The following PCDHGA7 variants were observed in gnomAD, a reference collection of about 807,000 sequenced individuals.
The protein encoded by PCDHGA7 is protocadherin gamma-A7.
Under a neutral mutation model 58.3 loss-of-function variants are expected in PCDHGA7, and 44 were observed. The observed-to-expected ratio is 0.75, with a 90% CI of 0.59 to 0.97. The LOEUF (loss-of-function observed/expected upper bound fraction) is 0.97, where lower values mean the gene tolerates loss of function less well. Among genes scored for constraint, PCDHGA7 ranks in the 50% least tolerant of loss-of-function variants. The probability of loss-of-function intolerance (pLI) is 0.00; values close to 1 mark genes in which losing one functional copy is unlikely to be tolerated. For synonymous variants in PCDHGA7, 516 were observed against 504.2 expected (o/e 1.02, Z -0.31); for missense variants, 1,266 against 1,188.7 (o/e 1.06, Z -0.96).
intron 1 of PCDHGA7, among the ~76,000 whole-genome samples, chr5:141,458,408 C>A (rs895785923): frequency 6.6e-6 from 1 of 151,932 alleles, no homozygotes; most frequent in East Asian, 1.9e-4. Flanking sequence ...AGAGACGGAG[C>A]GGGGGTTCCA....
chr5:141,410,202 A>G (rs766392835), intron 1 of PCDHGA7: 2 of 1,614,018 alleles, frequency 1.2e-6, no homozygotes, highest in Non-Finnish European at 1.7e-6. Flanking sequence ...TTCGCAGACA[A>G]CTTGCAAGAG....
At chr5:141,420,742 A>G (rs967908996) in intron 1 of PCDHGA7, among the ~76,000 whole-genome samples, 3 of 152,372 alleles carry the variant, frequency 2.0e-5, no homozygotes, top group African/African-American at 7.2e-5. Context: ...AATCAATTGG[A>G]ACCAACTACA....
intron 1 of PCDHGA7, among the ~76,000 whole-genome samples, chr5:141,400,896 A>G (rs193291751): frequency 2.6e-5 from 4 of 152,214 alleles, no homozygotes; most frequent in Admixed American, 2.6e-4. Context: ...TAATCATTTA[A>G]TTCATCTTTT....
At chr5:141,451,503 A>G (rs1395798374) in intron 1 of PCDHGA7, among the ~76,000 whole-genome samples, 1 of 152,234 alleles carries the variant, frequency 6.6e-6, no homozygotes, top group African/African-American at 2.4e-5. Flanking sequence ...TAGGGCAACC[A>G]GCTTCTGTTA....
chr5:141,420,269 A>C, intron 1 of PCDHGA7: 1 of 1,544,558 alleles, frequency 6.5e-7, no homozygotes, highest in Non-Finnish European at 8.8e-7. Flanking sequence ...GAAGATTCTT[A>C]AACAGGTAAG....
intron 1 of PCDHGA7, chr5:141,421,470 A>T: frequency 2.5e-6 from 4 of 1,614,130 alleles, no homozygotes; most frequent in Non-Finnish European, 3.4e-6. Context: ...TGAATCCGCG[A>T]AGCGGCAGCT....
intron 2 of PCDHGA7, among the ~76,000 whole-genome samples, chr5:141,504,713 G>A (rs1443171981): frequency 1.3e-5 from 2 of 151,850 alleles, no homozygotes; most frequent in African/African-American, 2.4e-5. Context: ...TATGGCCGTG[G>A]ATTTTACTCT....
intron 1 of PCDHGA7, chr5:141,484,966 G>C: frequency 1.7e-6 from 1 of 583,968 alleles, no homozygotes. Context: ...GAGCCCGGGA[G>C]CCGCTGTCTG....
At chr5:141,398,989 T>G (rs766277028) in intron 1 of PCDHGA7, 2 of 1,613,796 alleles carry the variant, frequency 1.2e-6, no homozygotes, top group Non-Finnish European at 1.7e-6. Flanking sequence ...CGGGCAAATC[T>G]TTAGTCTGAA....
At chr5:141,415,422 G>A (rs769839324) in intron 1 of PCDHGA7, 3 of 1,614,204 alleles carry the variant, frequency 1.9e-6, no homozygotes, top group East Asian at 2.2e-5. Context: ...GCGTGGACGG[G>A]GTTCGGGCTT....
intron 3 of PCDHGA7, among the ~76,000 whole-genome samples, chr5:141,506,833 C>A (rs1462038297): frequency 1.3e-5 from 2 of 152,092 alleles, no homozygotes; most frequent in African/African-American, 4.8e-5. Context: ...AACTGATAGC[C>A]CTGCCCTCCA....
rs771088007 is a variant in PCDHGA7, at chr5:141,423,000, G to A, written c.2424+37677G>A. On this transcript the variant is annotated intron_variant, in intron 1 of 3. Transcript: ENST00000518325. ...CGGAACCTGGCTACCTGGTGACCAA[G>A]GTGGTTGCGGTGGACAAAGATTCAG... The A allele has an allele frequency of 9.3e-6, 15 of 1,614,116 alleles. No homozygotes were observed. The African/African-American group carries it at 1.9e-4, about 20-fold the overall frequency.
At chr5:141,395,109 A>G (rs1181706209) in intron 1 of PCDHGA7, 1 of 1,614,092 alleles carries the variant, frequency 6.2e-7, no homozygotes, top group Admixed American at 1.7e-5. Context: ...CTCGCGGAAG[A>G]GTCACCTGAT....
intron 1 of PCDHGA7, among the ~76,000 whole-genome samples, chr5:141,429,535 T>TG (rs1278730394): frequency 2.0e-5 from 3 of 152,168 alleles, no homozygotes; most frequent in Non-Finnish European, 4.4e-5. Flanking sequence ...CTTAAAAAAA[T>TG]AAGAACATGG....
chr5:141,436,590 C>T (rs1050788291), intron 1 of PCDHGA7, among the ~76,000 whole-genome samples: 10 of 152,102 alleles, frequency 6.6e-5, no homozygotes, highest in East Asian at 1.9e-4. Context: ...TTTGAAAGGT[C>T]GTGGTGATGG....
chr5:141,489,381 T>A lies in PCDHGA7; in HGVS notation c.2425-5426T>A. 1 of 1,613,894 alleles carries A rather than the reference T, an allele frequency of 6.2e-7. No homozygotes were observed. The highest frequency in any genetic ancestry group is 8.5e-7 in the Non-Finnish European group (1 of 1,179,802). ...CTGAGCCGGGGACGCTGGTGGGGAATGTTGCTCAGGATCTGGGCTTAAAGA... is the reference window on the plus strand; with the variant it reads ...CTGAGCCGGGGACGCTGGTGGGGAAAGTTGCTCAGGATCTGGGCTTAAAGA... On this transcript the variant is annotated intron_variant, in intron 1 of 3. Transcript: ENST00000518325. The surrounding 1 kb of genome is among the most constrained non-coding windows in gnomAD (Gnocchi z 4.5).
chr5:141,405,398 C>A, intron 1 of PCDHGA7: 1 of 1,590,262 alleles, frequency 6.3e-7, no homozygotes, highest in Non-Finnish European at 8.6e-7. Flanking sequence ...TTTTTTCTTT[C>A]TTTCTTTTCT....
intron 1 of PCDHGA7, chr5:141,389,406 G>C (rs1235613335): frequency 2.5e-6 from 4 of 1,613,514 alleles, no homozygotes; most frequent in Non-Finnish European, 3.4e-6. Flanking sequence ...CATAAGCGCG[G>C]AGAGCGGGGT....
chr5:141,428,108 G>C (rs771684309), intron 1 of PCDHGA7: 6 of 1,608,094 alleles, frequency 3.7e-6, no homozygotes, highest in Admixed American at 1.7e-5. Context: ...ACGTGCTGCA[G>C]GCCATCGAGC....
Sources: allele counts gnomAD v4.1 joint callset (sites outside exome capture counted in the v4.1 genomes callset), GRCh38; gene constraint gnomAD v4.1.1; non-coding constraint Gnocchi (gnomAD v3.1); transcripts MANE v1.5; gene names NCBI Gene and HGNC (gene_info 2026-07-23, HGNC 2026-07-21).